Variants in CCDC125 observed in about 807,000 individuals in gnomAD.
CCDC125 encodes the protein coiled-coil domain containing 125, also known as coiled-coil domain-containing protein 125.
A neutral mutation model predicts 57.4 loss-of-function variants in CCDC125; 43 were observed. The ratio of observed to expected loss-of-function variants is 0.75; its 90% CI spans 0.59 to 0.97. The LOEUF (loss-of-function observed/expected upper bound fraction) is 0.97. CCDC125 is among the 50% of genes least tolerant of loss of function. The pLI is 0.00. For missense variants in CCDC125, 563 were observed against 595.7 expected (o/e 0.95, Z 0.57); for synonymous variants, 187 against 195.2 (o/e 0.96, Z 0.35).
In CCDC125 at chr5:69,311,217, A is replaced by T. The variant is rs765673393; in HGVS notation, c.367-13T>A. 29 of 1,539,126 alleles carry T rather than the reference A, an allele frequency of 1.9e-5. No individual in the cohort carries two copies. The African/African-American group carries it at 3.6e-4, about 19-fold the overall frequency. Reference sequence around the variant, plus strand: ...ACATTTCTACCTCCTGAGGACAGAAAGAAAATTAGTCTTCCTATCTGCAAG... The same window carrying T: ...ACATTTCTACCTCCTGAGGACAGAATGAAAATTAGTCTTCCTATCTGCAAG... On this transcript the variant is annotated splice_polypyrimidine_tract_variant and intron_variant, in intron 3 of 11. Transcript: ENST00000396496.
At chr5:69,313,211 C>A (rs144416708) in intron 3 of CCDC125, among the ~76,000 whole-genome samples, 2 of 152,184 alleles carry the variant, frequency 1.3e-5, no homozygotes, top group African/African-American at 4.8e-5. Flanking sequence ...GAGGAAAATC[C>A]AGGGGGTGGG....
intron 9 of CCDC125, among the ~76,000 whole-genome samples, chr5:69,293,624 G>C (rs1754848572): frequency 6.7e-6 from 1 of 149,182 alleles, no homozygotes; most frequent in Non-Finnish European, 1.5e-5. Context: ...TTCCAGCCTG[G>C]GCGACAGAGC....
At chr5:69,279,754 A>G (rs1189484120), downstream of CCDC125, among the ~76,000 whole-genome samples, 3 of 152,168 alleles carry the variant, frequency 2.0e-5, no homozygotes, top group Admixed American at 2.0e-4. Flanking sequence ...AATAGCGCCA[A>G]AGGGATCTGA....
downstream of CCDC125, among the ~76,000 whole-genome samples, chr5:69,275,462 G>A (rs1396617199): frequency 6.6e-6 from 1 of 152,082 alleles, no homozygotes; most frequent in Non-Finnish European, 1.5e-5. Flanking sequence ...TCAATATGTA[G>A]AGAATGGAAA....
intron 9 of CCDC125, among the ~76,000 whole-genome samples, chr5:69,293,462 C>A (rs372252868): frequency 5.3e-5 from 8 of 152,006 alleles, no homozygotes; most frequent in African/African-American, 1.7e-4. Flanking sequence ...CCAGCCTGGC[C>A]AACATAGTGA....
chr5:69,315,171 G>T (rs1241120675), intron 2 of CCDC125, among the ~76,000 whole-genome samples: 1 of 151,698 alleles, frequency 6.6e-6, no homozygotes, highest in Non-Finnish European at 1.5e-5. Context: ...CAGGAGAATT[G>T]CTTGAACCCA....
chr5:69,314,085 T>G, intron 2 of CCDC125, 39 bp from the exon 3 acceptor site: 1 of 1,372,802 alleles, frequency 7.3e-7, no homozygotes, highest in Non-Finnish European at 1.0e-6. Flanking sequence ...AGGGGAAAAA[T>G]TTTGAATATT....
intron 3 of CCDC125, 161 bp downstream of exon 3, chr5:69,313,824 C>T (rs746145191): frequency 1.3e-5 from 11 of 834,734 alleles, no homozygotes; most frequent in Non-Finnish European, 2.1e-5. Context: ...AACTTCATGT[C>T]GTTGAACACC....
chr5:69,296,551 C>G (rs748762342), intron 8 of CCDC125, among the ~76,000 whole-genome samples: 28 of 151,648 alleles, frequency 1.8e-4, no homozygotes, highest in Non-Finnish European at 3.5e-4. Context: ...AACTCTGTCT[C>G]AAAAATAAAT....
chr5:69,292,287 ATTG>A lies in CCDC125; in HGVS notation c.997_999del (p.Gln333del). ...AGTGCCTGGTCATTTTTTCTCATTA[ATTG>A]TTGCTCAAATGCAATTCTGAAAGCA... On this transcript the variant is annotated inframe_deletion, in exon 10 of 12. Coordinates refer to ENST00000396496, the MANE Select transcript of CCDC125 (RefSeq NM_176816.5). 2 of 1,613,610 alleles carry A rather than the reference ATTG, an allele frequency of 1.2e-6. No homozygotes were observed. The highest frequency in any genetic ancestry group is 1.7e-6 in the Non-Finnish European group (2 of 1,179,774).
chr5:69,317,074 T>A (rs1296788146), intron 2 of CCDC125, among the ~76,000 whole-genome samples: 1 of 152,156 alleles, frequency 6.6e-6, no homozygotes, highest in Non-Finnish European at 1.5e-5. Context: ...AGTGGTGTGA[T>A]CTTGGCTCAC....
chr5:69,302,065 AG>A (rs1328632873), intron 7 of CCDC125, among the ~76,000 whole-genome samples: 3 of 151,844 alleles, frequency 2.0e-5, no homozygotes, highest in Non-Finnish European at 2.9e-5. Context: ...ACTGGGCAAC[AG>A]AGCAAGACCC....
At chr5:69,305,432 A>G (rs1312727287) in intron 6 of CCDC125, among the ~76,000 whole-genome samples, 1 of 152,056 alleles carries the variant, frequency 6.6e-6, no homozygotes, top group Non-Finnish European at 1.5e-5. Context: ...AGGTTGGTCT[A>G]GAACTCCTGG....
At chr5:69,313,513 G>T in intron 3 of CCDC125, 1 of 865,468 alleles carries the variant, frequency 1.2e-6, no homozygotes, top group South Asian at 1.3e-5. Context: ...GGCGTCCTTG[G>T]AGCTGGCATT....
Position 69,280,771 on chromosome 5 carries a change from C to G in CCDC125, c.*1958G>C, listed in dbSNP as rs991161872. 13 of 152,172 alleles carry G rather than the reference C, an allele frequency of 8.5e-5. No homozygotes were observed. The highest frequency in any genetic ancestry group is 3.1e-4 in the African/African-American group (13 of 41,432). The allele number at this position is 152,172 out of a possible 1,614,324, so 9.4% of individuals were successfully genotyped here. A position where few individuals can be genotyped will look rare whatever the true frequency, so the allele number is the denominator to read the frequency against. On this transcript the variant is annotated 3_prime_UTR_variant, in exon 12 of 12. Coordinates refer to ENST00000396496, the MANE Select transcript of CCDC125 (RefSeq NM_176816.5). ...TTTTGTAGAGTATTCCATTGTATAG[C>G]TGTACAGTAATTTAGATAAACTTTT... is the stretch of plus-strand genomic sequence containing the variant.
At chr5:69,314,308 T>C (rs1290116800) in intron 2 of CCDC125, among the ~76,000 whole-genome samples, 2 of 151,718 alleles carry the variant, frequency 1.3e-5, no homozygotes, top group African/African-American at 4.8e-5. Flanking sequence ...CTACTAAAAA[T>C]ACAAAAATTA....
At chr5:69,299,402 C>T (rs1426386485) in intron 8 of CCDC125, among the ~76,000 whole-genome samples, 2 of 152,224 alleles carry the variant, frequency 1.3e-5, no homozygotes, top group Non-Finnish European at 2.9e-5. Context: ...AGCCACCGTG[C>T]CCGGCCTTCT....
At position 69,322,303 on chromosome 5, in the gene CCDC125, A is replaced by G. The variant is rs1348154243; in HGVS notation, c.-40-1723T>C. 7.9e-5 allele frequency among the ~76,000 whole-genome samples: 12 copies of G among 152,236 alleles called. No homozygotes were observed. The East Asian group carries it at 2.1e-3, about 27-fold the overall frequency. ...TGGGGGTGGGGAGCAGATATACTCT[A>G]CATTCAATAAATACTTGTTTAGTAA... On this transcript the variant is annotated intron_variant, in intron 1 of 11. Transcript: ENST00000396496.
chr5:69,308,147 T>A, intron 4 of CCDC125, 119 bp from the exon 5 acceptor site: 1 of 727,670 alleles, frequency 1.4e-6, no homozygotes, highest in Non-Finnish European at 2.4e-6. Flanking sequence ...CATAAGAATT[T>A]CACAGTGACC....
Sources: allele counts gnomAD v4.1 joint callset (sites outside exome capture counted in the v4.1 genomes callset), GRCh38; gene constraint gnomAD v4.1.1; transcripts MANE v1.5; gene names NCBI Gene and HGNC (gene_info 2026-07-23, HGNC 2026-07-21).